Variants in DLGAP2 observed in about 807,000 individuals in gnomAD.
DLGAP2 encodes disks large-associated protein 2.
DLGAP2 carries 26 observed loss-of-function variants against 100.3 expected under a neutral mutation model. That is an observed-to-expected ratio of 0.26 (90% CI 0.19 to 0.36). The LOEUF (loss-of-function observed/expected upper bound fraction) is 0.36. Ranked by LOEUF, DLGAP2 falls within the 10% of genes least tolerant of loss-of-function variation. The pLI is 1.00. For missense variants in DLGAP2, 1,858 were observed against 1,453.2 expected (o/e 1.28, Z -4.53); for synonymous variants, 886 against 630.1 (o/e 1.41, Z -6.08).
At chr8:902,230 C>T (rs1033034116) in intron 1 of DLGAP2, among the ~76,000 whole-genome samples, 3 of 152,154 alleles carry the variant, frequency 2.0e-5, no homozygotes, top group African/African-American at 7.2e-5. Context: ...CTCTCGGGCT[C>T]TGATCATTCC....
chr8:900,364 G>A (rs1011441014), intron 1 of DLGAP2, among the ~76,000 whole-genome samples: 4 of 150,862 alleles, frequency 2.7e-5, no homozygotes, highest in African/African-American at 4.9e-5. Flanking sequence ...TCCTCTTCAC[G>A]GGGTTGCTCC....
intron 2 of DLGAP2, among the ~76,000 whole-genome samples, chr8:1,159,133 G>T (rs1563221193): frequency 6.6e-6 from 1 of 152,206 alleles, no homozygotes; most frequent in Non-Finnish European, 1.5e-5. Flanking sequence ...TAAGGGATTT[G>T]TGTGATCCTT....
At chr8:1,542,642 C>T (rs946228504) in intron 4 of DLGAP2, among the ~76,000 whole-genome samples, 21 of 152,092 alleles carry the variant, frequency 1.4e-4, no homozygotes, top group Admixed American at 6.5e-4. Context: ...ATTCATCCGT[C>T]GGGCAGCATT....
chr8:1,327,238 A>C (rs1801042740), intron 3 of DLGAP2, among the ~76,000 whole-genome samples: 1 of 152,250 alleles, frequency 6.6e-6, no homozygotes, highest in Admixed American at 6.5e-5. Context: ...GGCTGAGCTA[A>C]GTGACCAACC....
intron 2 of DLGAP2, among the ~76,000 whole-genome samples, chr8:1,055,600 C>T (rs886199489): frequency 2.6e-5 from 4 of 152,186 alleles, no homozygotes; most frequent in Admixed American, 6.5e-5. Flanking sequence ...CAAGGACGCT[C>T]GTCTTCTCAC....
At chr8:1,026,418 C>T (rs1801801836) in intron 2 of DLGAP2, among the ~76,000 whole-genome samples, 1 of 152,216 alleles carries the variant, frequency 6.6e-6, no homozygotes, top group Non-Finnish European at 1.5e-5. Context: ...CGCCCGCCGC[C>T]TTGGCTGCAC....
chr8:1,625,178 T>C (rs1797460209), intron 6 of DLGAP2, among the ~76,000 whole-genome samples: 1 of 152,178 alleles, frequency 6.6e-6, no homozygotes, highest in Admixed American at 6.5e-5. Flanking sequence ...CTATAGACAT[T>C]TTTATGTACC....
chr8:753,787 A>T (rs1415466430), intron 1 of DLGAP2: 1 of 152,218 alleles, frequency 6.6e-6, no homozygotes, highest in Non-Finnish European at 1.5e-5. Flanking sequence ...GAAATAGATA[A>T]ATACTTGTTA....
intron 2 of DLGAP2, among the ~76,000 whole-genome samples, chr8:1,055,544 A>G (rs190118281): frequency 6.6e-6 from 1 of 152,372 alleles, no homozygotes; most frequent in Admixed American, 6.5e-5. Flanking sequence ...CATGTGGACT[A>G]TTTATTTAAT....
At chr8:793,615 T>C (rs1408006133) in intron 1 of DLGAP2, among the ~76,000 whole-genome samples, 3 of 152,348 alleles carry the variant, frequency 2.0e-5, no homozygotes, top group African/African-American at 2.4e-5. Flanking sequence ...CTTCTGAGAC[T>C]TCCTGGACTT....
At chr8:1,180,310 C>G (rs1713748463) in intron 2 of DLGAP2, among the ~76,000 whole-genome samples, 1 of 152,204 alleles carries the variant, frequency 6.6e-6, no homozygotes, top group Non-Finnish European at 1.5e-5. Context: ...GCAGAGCGTT[C>G]CCTCCTGCCA....
intron 1 of DLGAP2, among the ~76,000 whole-genome samples, chr8:895,129 G>C (rs1194057938): frequency 6.6e-6 from 1 of 151,822 alleles, no homozygotes; most frequent in East Asian, 1.9e-4. Context: ...TAATAACACA[G>C]AGCTGCATAT....
intron 8 of DLGAP2, among the ~76,000 whole-genome samples, chr8:1,635,153 A>C (rs1797737974): frequency 6.6e-6 from 1 of 152,248 alleles, no homozygotes; most frequent in Non-Finnish European, 1.5e-5. Flanking sequence ...TTTTACTCTA[A>C]GTATTGTATA....
Position 1,181,675 on chromosome 8 carries a change from C to T in DLGAP2, c.74-77176C>T, listed in dbSNP as rs75546756. On this transcript the variant is annotated intron_variant, in intron 2 of 14. Transcript: ENST00000637795. Reference sequence around the variant, plus strand: ...CTAAAACAAACCTGCCCATTTACCCCTGAACTTTAAAGTTAAATAAGAAAT... The same window carrying T: ...CTAAAACAAACCTGCCCATTTACCCTTGAACTTTAAAGTTAAATAAGAAAT... 2.1e-3 allele frequency among the ~76,000 whole-genome samples: 322 copies of T among 152,234 alleles called. 2 individuals carry two copies. The highest frequency in any genetic ancestry group is 7.2e-3 in the African/African-American group (301 of 41,524).
chr8:1,318,818 T>G, intron 3 of DLGAP2, among the ~76,000 whole-genome samples: 1 of 104,854 alleles, frequency 9.5e-6, no homozygotes, highest in East Asian at 3.2e-4. Flanking sequence ...GGGCCTCCAA[T>G]GTGTTCCCCA....
intron 2 of DLGAP2, among the ~76,000 whole-genome samples, chr8:977,782 G>A (rs1352796226): frequency 1.5e-5 from 2 of 132,168 alleles, no homozygotes; most frequent in South Asian, 2.8e-4. Flanking sequence ...TGGGGAGGGC[G>A]TCGGGGATGC....
intron 3 of DLGAP2, among the ~76,000 whole-genome samples, chr8:1,453,271 G>A (rs910478535): frequency 6.6e-6 from 1 of 152,192 alleles, no homozygotes; most frequent in Admixed American, 6.5e-5. Context: ...TCAGGCTGGG[G>A]AGAAGCAGGA....
chr8:1,205,724 A>G (rs887058953), intron 2 of DLGAP2, among the ~76,000 whole-genome samples: 3 of 152,130 alleles, frequency 2.0e-5, no homozygotes, highest in African/African-American at 7.2e-5. Flanking sequence ...CAGCGTCTCC[A>G]TTTCCAAATG....
chr8:844,124 A>G (rs1797031205), intron 1 of DLGAP2, among the ~76,000 whole-genome samples: 1 of 152,220 alleles, frequency 6.6e-6, no homozygotes, highest in Non-Finnish European at 1.5e-5. Context: ...TTCACAGTGA[A>G]GAGTATTCGT....
Sources: gnomAD v4.1 joint callset for allele counts (sites outside exome capture counted in the v4.1 genomes callset) on GRCh38, gnomAD v4.1.1 for gene constraint, MANE v1.5 for transcripts, NCBI Gene and HGNC (gene_info 2026-07-23, HGNC 2026-07-21) for gene names.